Variants in MAP4K2 observed in about 807,000 individuals in gnomAD.
MAP4K2 encodes the protein mitogen-activated protein kinase kinase kinase kinase 2, also known as B lymphocyte serine/threonine protein kinase.
MAP4K2 carries 85 observed loss-of-function variants against 125.3 expected under a neutral mutation model. That is an observed-to-expected ratio of 0.68 (90% CI 0.57 to 0.81). The LOEUF (loss-of-function observed/expected upper bound fraction) is 0.81, where lower values mean the gene tolerates loss of function less well. Ranked by LOEUF, MAP4K2 falls within the 40% of genes least tolerant of loss-of-function variation. The probability of loss-of-function intolerance (pLI) is 0.00; values close to 1 mark genes in which losing one functional copy is unlikely to be tolerated. For missense variants in MAP4K2, 923 were observed against 1,056.4 expected, an observed-to-expected ratio of 0.87 and a Z score of 1.75; for synonymous variants, 479 against 445.1, an observed-to-expected ratio of 1.08 and a Z score of -0.96.
Position 64,787,703 on chromosome 11 carries a change from A to T in MAP4K2, c.*1834T>A, listed in dbSNP as rs2136031177. On this transcript the variant is annotated 3_prime_UTR_variant, in exon 32 of 32. Transcript: ENST00000294066. ...CCCACTTTGGCAGTTTACACTCTGC[A>T]GTCCAAACCCCGTTTCCAGACTGAA... 1 of 152,330 alleles carries T rather than the reference A, an allele frequency of 6.6e-6. No homozygotes were observed. Among genetic ancestry groups the T allele is most frequent in the South Asian group, 2.1e-4 (1 of 4,826 alleles). 9.4% of individuals were successfully genotyped at this position (152,330 alleles called of 1,614,324 possible).
chr11:64,797,383 G>A lies in MAP4K2; in HGVS notation c.1171-3C>T. The A allele has an allele frequency of 6.3e-7, 1 of 1,577,396 alleles. No homozygotes were observed. The highest frequency in any genetic ancestry group is 8.6e-7 in the Non-Finnish European group (1 of 1,161,212). On this transcript the variant is annotated splice_polypyrimidine_tract_variant and splice_region_variant and intron_variant, in intron 17 of 31. Transcript: ENST00000294066. ...GTATCGTCTGGGGAGTCCAGCTCCT[G>A]GTAGGAGGGGCAGGGCCCAGCCCGG...
In MAP4K2 at chr11:64,800,440, T is replaced by A. The variant is rs200312364; in HGVS notation, c.726-48A>T. The A allele has an allele frequency of 3.8e-6, 6 of 1,593,916 alleles. No homozygotes were observed. The East Asian group carries it at 1.3e-4, about 36-fold the overall frequency. On this transcript the variant is annotated intron_variant, in intron 10 of 31. Coordinates refer to ENST00000294066, the MANE Select transcript of MAP4K2 (RefSeq NM_004579.5). The stretch of plus-strand genomic sequence containing the variant: ...AGCGCCAGATCCAGGTTAGCCCTCG[T>A]GCAGGGTGTCCTGCCAGCTGCCCTA...
chr11:64,788,175 C>T lies in MAP4K2; in HGVS notation c.*1362G>A, dbSNP rs1940276586. The T allele has an allele frequency of 6.6e-6, 1 of 152,518 alleles. No individual in the cohort carries two copies. The allele number at this position is 152,518 out of a possible 1,614,324, so 9.4% of individuals were successfully genotyped here. A position where few individuals can be genotyped will look rare whatever the true frequency, so the allele number is the denominator to read the frequency against. On this transcript the variant is annotated 3_prime_UTR_variant, in exon 32 of 32. Transcript: ENST00000294066. ...CTGAGCCTACTCGCATGGCTGCCATCCACCTACCACGTCACTCCGCAAGTC... is the reference window on the plus strand; with the variant it reads ...CTGAGCCTACTCGCATGGCTGCCATTCACCTACCACGTCACTCCGCAAGTC...
At position 64,801,495 on chromosome 11, in the gene MAP4K2, C is replaced by G; in HGVS notation, c.457+84G>C. 2 of 1,492,194 alleles carry G rather than the reference C, an allele frequency of 1.3e-6. 1 individual carries two copies. Among genetic ancestry groups the G allele is most frequent in the South Asian group, 2.3e-5 (2 of 86,058 alleles). The allele number at this position is 1,492,194 out of a possible 1,614,324, so 92.4% of individuals were successfully genotyped here. On this transcript the variant is annotated intron_variant, in intron 7 of 31. Coordinates refer to ENST00000294066, the MANE Select transcript of MAP4K2 (RefSeq NM_004579.5). Reference sequence around the variant, plus strand: ...AGACTCAAGTGGCAAAGTGACTTGCCCAGTGACACCCAACCCTTGAGTCCA... The same window carrying G: ...AGACTCAAGTGGCAAAGTGACTTGCGCAGTGACACCCAACCCTTGAGTCCA...
chr11:64,798,416 G>A (rs190626275), intron 15 of MAP4K2, among the ~76,000 whole-genome samples: 15 of 151,004 alleles, frequency 9.9e-5, no homozygotes, highest in Non-Finnish European at 1.9e-4. Context: ...CGCCCACCTC[G>A]GCCTCCCAAA....
intron 22 of MAP4K2, 35 bp from the exon 23 acceptor site, chr11:64,796,588 C>T (rs1406452234): frequency 3.1e-6 from 5 of 1,613,818 alleles, no homozygotes; most frequent in Non-Finnish European, 3.4e-6. Flanking sequence ...GTCAGCACCC[C>T]AGGCCCCCAC....
Position 64,802,917 on chromosome 11 carries a change from A to G in MAP4K2, c.122T>C (p.Leu41Pro). The G allele has an allele frequency of 6.3e-7, 1 of 1,595,734 alleles. No individual in the cohort carries two copies. The highest frequency in any genetic ancestry group is 1.1e-5 in the South Asian group (1 of 89,078). The stretch of plus-strand genomic sequence containing the variant: ...TAGCTTGACTATCTTCACGGCGGCC[A>G]GTTCGGACGTGACCGTGTCGCGGGC... ...YKARDTVTSE[L>P]AAVKIVKLDP... The change falls in exon 2 of 32, where the codon CTG becomes CCG. Residue 41 changes from leucine to proline, a missense_variant. Leu to Pro is a moderately conservative substitution (Grantham distance 98). This residue lies in a region of MAP4K2 where 833 missense variants were observed against 911.4 expected (regional missense o/e 0.91). Transcript: ENST00000294066.
At position 64,789,519 on chromosome 11, in the gene MAP4K2, T is replaced by C. The variant is rs370427980; in HGVS notation, c.*18A>G. On this transcript the variant is annotated 3_prime_UTR_variant, in exon 32 of 32. Coordinates refer to ENST00000294066, the MANE Select transcript of MAP4K2 (RefSeq NM_004579.5). ...GGCGTGGGGTGGGGCGGGGAGCCCC[T>C]GGACAGGCCCGCTGCTCTTAGTAGG... The C allele has an allele frequency of 4.9e-5, 77 of 1,562,532 alleles. No homozygotes were observed. Among genetic ancestry groups the C allele is most frequent in the East Asian group, 4.0e-4 (17 of 42,286 alleles).
Position 64,792,354 on chromosome 11 carries a change from C to CCCCCCAAAGAAAA in MAP4K2, c.1810+9_1810+10insTTTTCTTTGGGGG. The CCCCCCAAAGAAAA allele has an allele frequency of 6.5e-7, 1 of 1,531,698 alleles. No homozygotes were observed. The highest frequency in any genetic ancestry group is 8.9e-7 in the Non-Finnish European group (1 of 1,122,544). 94.9% of individuals were successfully genotyped at this position (1,531,698 alleles called of 1,614,324 possible). On this transcript the variant is annotated intron_variant, in intron 25 of 31. Transcript: ENST00000294066. ...AGGCCCCGCCCCACCCCGCCCAGCCCATTTCTTACCCACACGACACTGCAA... is the reference window on the plus strand; with the variant it reads ...AGGCCCCGCCCCACCCCGCCCAGCCCCCCCCAAAGAAAAATTTCTTACCCACACGACACTGCAA...
At position 64,790,526 on chromosome 11, in the gene MAP4K2, C is replaced by T. The variant is rs376417763; in HGVS notation, c.2093-64G>A. ...CCAGTCCCCCAACCCCAAGAGGATA[C>T]GGGGGCCAGGCTACAGACAGCCCTT... is the stretch of plus-strand genomic sequence containing the variant. On this transcript the variant is annotated intron_variant, in intron 27 of 31. Coordinates refer to ENST00000294066, the MANE Select transcript of MAP4K2 (RefSeq NM_004579.5). 438 of 1,482,142 alleles carry T rather than the reference C, an allele frequency of 3.0e-4. 4 individuals carry two copies. In the African/African-American group the frequency reaches 5.1e-3, roughly 17 times the overall value. The allele number at this position is 1,482,142 out of a possible 1,614,324, so 91.8% of individuals were successfully genotyped here.
intron 24 of MAP4K2, 70 bp from the exon 25 acceptor site, chr11:64,792,492 G>C (rs1382360312): frequency 3.0e-6 from 4 of 1,319,156 alleles, no homozygotes; most frequent in Non-Finnish European, 4.3e-6. Flanking sequence ...AGAGCCCTAT[G>C]AGGTGGGCAC....
chr11:64,800,438 C>T (rs769536980), intron 10 of MAP4K2, 46 bp from the exon 11 acceptor site: 3 of 1,595,178 alleles, frequency 1.9e-6, no homozygotes, highest in Non-Finnish European at 2.6e-6. Context: ...GGTTAGCCCT[C>T]GTGCAGGGTG....
chr11:64,785,960 G>T lies in MAP4K2; in HGVS notation c.*3577C>A, dbSNP rs1055895799. 6.6e-6 allele frequency: 1 copy of T among 152,126 alleles called. No individual in the cohort carries two copies. The highest frequency in any genetic ancestry group is 2.4e-5 in the African/African-American group (1 of 41,412). 9.4% of individuals were successfully genotyped at this position (152,126 alleles called of 1,614,324 possible). On this transcript the variant is annotated 3_prime_UTR_variant, in exon 32 of 32. Coordinates refer to ENST00000294066, the MANE Select transcript of MAP4K2 (RefSeq NM_004579.5). ...GCACCTTATGTGAGTTAGGAACTGAGTTATAACTTAAATACCCATGAACCT... is the reference window on the plus strand; with the variant it reads ...GCACCTTATGTGAGTTAGGAACTGATTTATAACTTAAATACCCATGAACCT...
rs765248335 is a variant in MAP4K2 at position 64,797,322 on chromosome 11, G to A, written c.1229C>T (p.Pro410Leu). The A allele has an allele frequency of 5.6e-6, 9 of 1,602,120 alleles. 1 individual carries two copies. In the Admixed American group the frequency reaches 1.6e-4, roughly 28 times the overall value. Residue 410 changes from proline (P) to leucine (L), a missense_variant, in exon 18 of 32, where the codon CCA becomes CTA. Transcript: ENST00000294066. ...GTIKRAPFLG[P>L]LPTDPPAEEP... is the part of the protein sequence containing the mutation. The stretch of plus-strand genomic sequence containing the variant: ...CTCTGCTGGAGGGTCAGTGGGGAGT[G>A]GCCCTAGGAACGGGGCCCGCTTGAT...
rs770414456 is a variant in MAP4K2, at chr11:64,796,960, A to G, written c.1407+22T>C. On this transcript the variant is annotated intron_variant, in intron 20 of 31. Transcript: ENST00000294066. ...GTGGGTGGCAGGGCTGTGGGACTGC[A>G]GGGCTTGGGGCAAACACTTACATGC... The G allele has an allele frequency of 5.6e-6, 9 of 1,613,742 alleles. 1 individual carries two copies. In the Admixed American group the frequency reaches 1.5e-4, roughly 27 times the overall value.
chr11:64,798,001 C>CT (rs761143115), intron 15 of MAP4K2, among the ~76,000 whole-genome samples: 1,995 of 127,638 alleles, frequency 0.016, 27 homozygotes, highest in African/African-American at 0.042. Flanking sequence ...CACACCCGGG[C>CT]TTTTTTTTTT....
At chr11:64,793,085 G>A (rs544186679) in intron 24 of MAP4K2, among the ~76,000 whole-genome samples, 19 of 152,204 alleles carry the variant, frequency 1.2e-4, no homozygotes, top group East Asian at 7.7e-4. Context: ...GCGTGGTGGC[G>A]CGTGCCTGTA....
Position 64,799,669 on chromosome 11 carries a change from A to G in MAP4K2, c.930T>C (p.Phe310=), listed in dbSNP as rs1592601657. ...GCCCCCGGGAGTGAATGGTGTCTGG[A>G]AACATGTCATAGGTCTAAGGAAAAA... ...EDCELETYDM[F]PDTIHSRGQH... Residue 310 remains phenylalanine (F), a synonymous_variant, in exon 13 of 32, where the codon TTT becomes TTC. Transcript: ENST00000294066. 6.2e-7 allele frequency: 1 copy of G among 1,613,764 alleles called. No homozygotes were observed. The highest frequency in any genetic ancestry group is 8.5e-7 in the Non-Finnish European group (1 of 1,179,976).
At chr11:64,794,445 C>G (rs1465541053) in intron 24 of MAP4K2, among the ~76,000 whole-genome samples, 1 of 151,786 alleles carries the variant, frequency 6.6e-6, no homozygotes, top group Non-Finnish European at 1.5e-5. Flanking sequence ...TTGCAACCTC[C>G]GCCTCCCAGG....
Sources: gnomAD v4.1 joint callset for allele counts (sites outside exome capture counted in the v4.1 genomes callset) on GRCh38, gnomAD v4.1.1 for gene constraint, gnomAD v4.1.1 regional missense constraint, MANE v1.5 for transcripts, NCBI Gene and HGNC (gene_info 2026-07-23, HGNC 2026-07-21) for gene names.